The following SLC6A3 variants were observed in gnomAD, a reference collection of about 807,000 sequenced individuals.
SLC6A3 encodes sodium-dependent dopamine transporter.
Under a neutral mutation model 70.4 loss-of-function variants are expected in SLC6A3, and 19 were observed. That is an observed-to-expected ratio of 0.27 (90% CI 0.19 to 0.40). SLC6A3 has a LOEUF of 0.40. Ranked by LOEUF, SLC6A3 falls within the 10% of genes least tolerant of loss-of-function variation. SLC6A3 has a pLI of 1.00. For missense variants in SLC6A3, 613 were observed against 838.5 expected (o/e 0.73, Z 3.32); for synonymous variants, 368 against 356.6 (o/e 1.03, Z -0.36).
Position 1,406,154 on chromosome 5 carries a change from A to C in SLC6A3, c.1599+34T>G, listed in dbSNP as rs748998853. Reference sequence around the variant, plus strand: ...GTGCCAGAGTGGGGGCAGTGGGCAGACGGGGGAAGGGCAGGTGGCCCGAGG... The same window carrying C: ...GTGCCAGAGTGGGGGCAGTGGGCAGCCGGGGGAAGGGCAGGTGGCCCGAGG... On this transcript the variant is annotated intron_variant, in intron 12 of 14. Transcript: ENST00000270349. This position sits in a 1 kb window ranked among gnomAD's most constrained non-coding sequence, Gnocchi z 8.8. The C allele has an allele frequency of 6.7e-7, 1 of 1,502,798 alleles. No individual in the cohort carries two copies. The highest frequency in any genetic ancestry group is 1.7e-5 in the Admixed American group (1 of 59,888). 93.1% of individuals were successfully genotyped at this position (1,502,798 alleles called of 1,614,324 possible).
intron 14 of SLC6A3, among the ~76,000 whole-genome samples, chr5:1,398,676 T>C (rs1209737246): frequency 6.6e-6 from 1 of 152,224 alleles, no homozygotes; most frequent in Non-Finnish European, 1.5e-5. Context: ...GCAAAAGATA[T>C]TTCAGGCAAA....
intron 6 of SLC6A3, chr5:1,416,558 C>T (rs1042781680): frequency 1.2e-5 from 4 of 340,008 alleles, no homozygotes; most frequent in Admixed American, 4.1e-5. Context: ...TAATAACCCT[C>T]GGAACAGCAC....
intron 3 of SLC6A3, among the ~76,000 whole-genome samples, chr5:1,433,607 AGCCATCCACAGTCATCCATG>A (rs1046130517): frequency 6.6e-6 from 1 of 152,124 alleles, no homozygotes; most frequent in African/African-American, 2.4e-5. Flanking sequence ...ATCCATCCAC[AGCCATCCACAGTCATCCATG>A]GCCATCCACA....
In SLC6A3 at chr5:1,404,177, G is replaced by A. The variant is rs577075348; in HGVS notation, c.1600-1088C>T. ...GCCAGTCTCAGCATCTTCTTCATGC[G>A]CTACTTCGGGCCACTTGTAGGTTTG... On this transcript the variant is annotated intron_variant, in intron 12 of 14. Coordinates refer to ENST00000270349, the MANE Select transcript of SLC6A3 (RefSeq NM_001044.5). This position sits in a 1 kb window ranked among gnomAD's most constrained non-coding sequence, Gnocchi z 5.2. Among the ~76,000 whole-genome samples the A allele has an allele frequency of 5.1e-4, 77 of 152,332 alleles. No homozygotes were observed. Among genetic ancestry groups the A allele is most frequent in the African/African-American group, 1.8e-3 (74 of 41,576 alleles).
At position 1,432,444 on chromosome 5, in the gene SLC6A3, A is replaced by T. The variant is rs1334841486; in HGVS notation, c.653+20T>A. On this transcript the variant is annotated intron_variant, in intron 4 of 14. Coordinates refer to ENST00000270349, the MANE Select transcript of SLC6A3 (RefSeq NM_001044.5). ...GGCTGCGCCATCTCTCCCGTTCCCG[A>T]GGACCCGACTCCCACTTACTCAAAG... is the stretch of plus-strand genomic sequence containing the variant. 1.3e-6 allele frequency: 2 copies of T among 1,590,008 alleles called. No individual in the cohort carries two copies. Among genetic ancestry groups the T allele is most frequent in the South Asian group, 1.1e-5 (1 of 90,558 alleles).
At chr5:1,416,549 A>ATT in intron 6 of SLC6A3, 1 of 409,230 alleles carries the variant, frequency 2.4e-6, no homozygotes, top group Admixed American at 3.6e-5. Context: ...ACAGCATCCT[A>ATT]ATAACCCTCG....
In SLC6A3 at chr5:1,402,917, C is replaced by G; in HGVS notation, c.1767+5G>C. 1 of 1,613,000 alleles carries G rather than the reference C, an allele frequency of 6.2e-7. No individual in the cohort carries two copies. Among genetic ancestry groups the G allele is most frequent in the Non-Finnish European group, 8.5e-7 (1 of 1,179,986 alleles). ...CGGGTGAAGGCGCCCCGTCCAAATACCCACCTCTCGAAAGGACCCAGGCAG... is the reference window on the plus strand; with the variant it reads ...CGGGTGAAGGCGCCCCGTCCAAATAGCCACCTCTCGAAAGGACCCAGGCAG... On this transcript the variant is annotated splice_donor_5th_base_variant and intron_variant, in intron 13 of 14. Transcript: ENST00000270349. The surrounding 1 kb of genome is among the most constrained non-coding windows in gnomAD (Gnocchi z 8.5).
chr5:1,411,492 C>T lies in SLC6A3; in HGVS notation c.1157-137G>A. On this transcript the variant is annotated intron_variant, in intron 8 of 14. Transcript: ENST00000270349. The surrounding 1 kb of genome is among the most constrained non-coding windows in gnomAD (Gnocchi z 6.5). ...GCTGGTGCGGCTCTGCTGAAAAGCC[C>T]CCTTCTATATGTCCAGCAGACCAGG... The T allele has an allele frequency of 1.4e-6, 1 of 720,954 alleles. No homozygotes were observed. Among genetic ancestry groups the T allele is most frequent in the Non-Finnish European group, 2.5e-6 (1 of 401,896 alleles). The allele number at this position is 720,954 out of a possible 1,614,324, so 44.7% of individuals were successfully genotyped here.
intron 6 of SLC6A3, chr5:1,416,464 C>T (rs1560914534): frequency 3.5e-6 from 2 of 568,454 alleles, no homozygotes; most frequent in South Asian, 2.0e-5. Context: ...ATCAAGGCAG[C>T]GATTCCACAG....
At chr5:1,415,881 G>A (rs532386787) in intron 7 of SLC6A3, among the ~76,000 whole-genome samples, 20 of 152,182 alleles carry the variant, frequency 1.3e-4, no homozygotes, top group East Asian at 3.9e-4. Flanking sequence ...CCCAGGAGGC[G>A]ACACACCCAC....
In SLC6A3 at chr5:1,397,973, T is replaced by C. The variant is rs1387214223; in HGVS notation, c.1839+2942A>G. Among the ~76,000 whole-genome samples the C allele has an allele frequency of 1.3e-5, 2 of 152,178 alleles. No individual in the cohort carries two copies. Among genetic ancestry groups the C allele is most frequent in the African/African-American group, 4.8e-5 (2 of 41,440 alleles). ...AGCATGTTCATCAGTAGGAGGAAGA[T>C]TTAAGTCCTTATAATGGGATGGGGT... On this transcript the variant is annotated intron_variant, in intron 14 of 14. Transcript: ENST00000270349. The surrounding 1 kb of genome is among the most constrained non-coding windows in gnomAD (Gnocchi z 4.7).
Position 1,404,922 on chromosome 5 carries a change from G to A in SLC6A3, c.1599+1266C>T, listed in dbSNP as rs901778017. Among the ~76,000 whole-genome samples, 8 of 152,238 alleles carry A rather than the reference G, an allele frequency of 5.3e-5. No homozygotes were observed. Among genetic ancestry groups the A allele is most frequent in the Non-Finnish European group, 1.2e-4 (8 of 68,038 alleles). On this transcript the variant is annotated intron_variant, in intron 12 of 14. Coordinates refer to ENST00000270349, the MANE Select transcript of SLC6A3 (RefSeq NM_001044.5). This position sits in a 1 kb window ranked among gnomAD's most constrained non-coding sequence, Gnocchi z 5.2. ...TAAGATCGAGGTCAGCCCTCTGGGT[G>A]TTAAGAGGAGACACCCCCTCAAGGG...
chr5:1,433,130 A>G (rs1756744276), intron 3 of SLC6A3, among the ~76,000 whole-genome samples: 1 of 152,134 alleles, frequency 6.6e-6, no homozygotes, highest in South Asian at 2.1e-4. Context: ...AGGATCATTG[A>G]GGCCATCTAG....
intron 14 of SLC6A3, among the ~76,000 whole-genome samples, chr5:1,399,353 G>C (rs1178597165): frequency 6.6e-6 from 1 of 152,150 alleles, no homozygotes; most frequent in Non-Finnish European, 1.5e-5. Context: ...TCATAGCCTT[G>C]AGTGCTTACA....
rs2111330199 is a variant in SLC6A3 at position 1,396,930 on chromosome 5, A to G, written c.1840-2172T>C. Among the ~76,000 whole-genome samples, 1 of 152,372 alleles carries G rather than the reference A, an allele frequency of 6.6e-6. No individual in the cohort carries two copies. The highest frequency in any genetic ancestry group is 1.9e-4 in the East Asian group (1 of 5,188). ...GAAAGATCAAGCTAGACGCAGATAC[A>G]GAATGGGTGAGGGGCAGGCAGTTTC... On this transcript the variant is annotated intron_variant, in intron 14 of 14. Coordinates refer to ENST00000270349, the MANE Select transcript of SLC6A3 (RefSeq NM_001044.5). The surrounding 1 kb of genome is among the most constrained non-coding windows in gnomAD (Gnocchi z 7.0).
At chr5:1,399,293 T>A (rs925654582) in intron 14 of SLC6A3, among the ~76,000 whole-genome samples, 2 of 151,876 alleles carry the variant, frequency 1.3e-5, no homozygotes, top group Non-Finnish European at 2.9e-5. Context: ...TAAAGAAAAA[T>A]ACTATGAAAA....
chr5:1,417,240 C>T (rs1476078893), intron 6 of SLC6A3, among the ~76,000 whole-genome samples: 1 of 151,990 alleles, frequency 6.6e-6, no homozygotes, highest in Admixed American at 6.5e-5. Flanking sequence ...GATGGCGGCA[C>T]CCTGATAACC....
intron 6 of SLC6A3, among the ~76,000 whole-genome samples, chr5:1,416,752 C>T (rs952819950): frequency 6.6e-6 from 1 of 151,198 alleles, no homozygotes; most frequent in Non-Finnish European, 1.5e-5. Context: ...CCACACACAA[C>T]ATGACCGCAG....
chr5:1,426,198 T>G (rs532220182), intron 4 of SLC6A3, among the ~76,000 whole-genome samples: 1 of 151,918 alleles, frequency 6.6e-6, no homozygotes, highest in Admixed American at 6.5e-5. Flanking sequence ...AGCAGCATGT[T>G]TTTACAGTAG....
Sources: allele counts gnomAD v4.1 joint callset (sites outside exome capture counted in the v4.1 genomes callset), GRCh38; gene constraint gnomAD v4.1.1; non-coding constraint Gnocchi (gnomAD v3.1); transcripts MANE v1.5; gene names NCBI Gene and HGNC (gene_info 2026-07-23, HGNC 2026-07-21).